Variants in NALCN observed in about 807,000 individuals in gnomAD.
NALCN encodes sodium leak channel, non-selective.
In NALCN, 111 loss-of-function variants were observed where a neutral mutation model predicts 225.3. That is an observed-to-expected ratio of 0.49 (90% CI 0.42 to 0.58). The LOEUF is 0.58. Ranked by LOEUF, NALCN falls within the 20% of genes least tolerant of loss-of-function variation. The probability of loss-of-function intolerance (pLI) is 0.00; values close to 1 mark genes in which losing one functional copy is unlikely to be tolerated. For missense variants in NALCN, 1,378 were observed against 2,202.4 expected (o/e 0.63, Z 7.49); for synonymous variants, 764 against 769.0 (o/e 0.99, Z 0.11).
At chr13:101,251,470 A>G (rs1037405415) in intron 11 of NALCN, among the ~76,000 whole-genome samples, 1 of 152,106 alleles carries the variant, frequency 6.6e-6, no homozygotes, top group Admixed American at 6.6e-5. Flanking sequence ...TCTGATTGAA[A>G]AACCTGACCC....
At chr13:101,133,183 A>T (rs963699131) in intron 17 of NALCN, among the ~76,000 whole-genome samples, 1 of 152,204 alleles carries the variant, frequency 6.6e-6, no homozygotes, top group Non-Finnish European at 1.5e-5. Flanking sequence ...CTAAAGAACC[A>T]TAGCTTGACC....
intron 18 of NALCN, among the ~76,000 whole-genome samples, chr13:101,123,335 T>C (rs2036071117): frequency 6.6e-6 from 1 of 152,120 alleles, no homozygotes; most frequent in Non-Finnish European, 1.5e-5. Context: ...TGAGGGTGAA[T>C]TTCTCTTTTT....
intron 27 of NALCN, among the ~76,000 whole-genome samples, chr13:101,098,103 C>T (rs1344564491): frequency 1.3e-5 from 2 of 152,056 alleles, no homozygotes; most frequent in East Asian, 3.9e-4. Flanking sequence ...TCTTTGTATG[C>T]TCCGTGTCCT....
At chr13:101,070,505 G>A (rs1169832687) in intron 37 of NALCN, among the ~76,000 whole-genome samples, 6 of 152,226 alleles carry the variant, frequency 3.9e-5, no homozygotes, top group Non-Finnish European at 8.8e-5. Flanking sequence ...AATAAGACTT[G>A]AAAGTTGAAA....
At chr13:101,081,395 T>A in intron 34 of NALCN, 132 bp downstream of exon 34, 1 of 1,294,292 alleles carries the variant, frequency 7.7e-7, no homozygotes, top group Non-Finnish European at 1.1e-6. Context: ...CAGTCAAAGC[T>A]GGGCTTTAGG....
chr13:101,127,792 T>C (rs1335296028), intron 17 of NALCN, among the ~76,000 whole-genome samples: 1 of 152,254 alleles, frequency 6.6e-6, no homozygotes. Flanking sequence ...ACTTTCTTTT[T>C]TCTACTAAAT....
At chr13:101,136,314 A>AATTTATTTATT (rs146911586) in intron 17 of NALCN, among the ~76,000 whole-genome samples, 1 of 74,158 alleles carries the variant, frequency 1.3e-5, no homozygotes, top group Non-Finnish European at 5.0e-5. Context: ...TTATTTATTT[A>AATTTATTTATT]TATATTATAC....
rs185386426 is a variant in NALCN, at chr13:101,415,818, C to T, written c.-40+495G>A. 5.1e-3 allele frequency among the ~76,000 whole-genome samples: 778 copies of T among 152,154 alleles called. 28 individuals carry two copies. The highest frequency in any genetic ancestry group is 0.046 in the Admixed American group (701 of 15,300). ...AGCCAGGCTGCCCACCCCCACCTCC[C>T]CACCCGCGCGTTGGCCCAGAGGTTT... On this transcript the variant is annotated intron_variant, in intron 1 of 43. Coordinates refer to ENST00000251127, the MANE Select transcript of NALCN (RefSeq NM_052867.4).
At position 101,144,803 on chromosome 13, in the gene NALCN, T is replaced by C. The variant is rs780767035; in HGVS notation, c.1933A>G (p.Lys645Glu). 6.2e-7 allele frequency: 1 copy of C among 1,613,378 alleles called. No individual in the cohort carries two copies. The highest frequency in any genetic ancestry group is 1.1e-5 in the South Asian group (1 of 90,734). Residue 645 changes from lysine to glutamate, a missense_variant, in exon 16 of 44, where the codon AAA becomes GAA. This residue lies in a region of NALCN where 62 missense variants were observed against 143.6 expected (regional missense o/e 0.43). Coordinates refer to ENST00000251127, the MANE Select transcript of NALCN (RefSeq NM_052867.4). Reference sequence around the variant, plus strand: ...AAATCTGAAGGAAGCTTTGAGATTTTCACCATTTGAGGTCTGTTTGGAAAT... The same window carrying C: ...AAATCTGAAGGAAGCTTTGAGATTTCCACCATTTGAGGTCTGTTTGGAAAT... The part of the protein sequence containing the change: ...EKFPNRPQMV[K>E]ISKLPSDFTV...
rs558486583 is a variant in NALCN, at chr13:101,119,744, G to A, written c.2192+4864C>T. Among the ~76,000 whole-genome samples, 79 of 152,288 alleles carry A rather than the reference G, an allele frequency of 5.2e-4. 1 individual carries two copies. Among genetic ancestry groups the A allele is most frequent in the African/African-American group, 1.9e-3 (77 of 41,558 alleles). ...GAAGCTTTATTTAGTGGAGCTGAAC[G>A]ATACAGTCTAAGTCAGAACAACAAT... is the stretch of plus-strand genomic sequence containing the variant. On this transcript the variant is annotated intron_variant, in intron 18 of 43. Coordinates refer to ENST00000251127, the MANE Select transcript of NALCN (RefSeq NM_052867.4).
chr13:101,279,823 TAAATAAATAAATA>T (rs1372010284), intron 10 of NALCN, among the ~76,000 whole-genome samples: 5 of 100,908 alleles, frequency 5.0e-5, no homozygotes, highest in Admixed American at 2.2e-4. Context: ...TCTCAAAAAA[TAAATAAATAAATA>T]AAATAAATAA....
At chr13:101,062,147 A>G (rs781341670) in intron 40 of NALCN, 29 bp from the exon 41 acceptor site, 40 of 1,611,410 alleles carry the variant, frequency 2.5e-5, no homozygotes, top group Non-Finnish European at 2.9e-5. Flanking sequence ...CTGCAATCGC[A>G]GCTCTGATTC....
intron 11 of NALCN, among the ~76,000 whole-genome samples, chr13:101,244,525 T>C (rs1222137693): frequency 6.6e-6 from 1 of 152,226 alleles, no homozygotes; most frequent in African/African-American, 2.4e-5. Flanking sequence ...CCAGATTCTC[T>C]TGGAATCAAA....
At chr13:101,318,337 G>C (rs2044629073) in intron 7 of NALCN, among the ~76,000 whole-genome samples, 1 of 152,110 alleles carries the variant, frequency 6.6e-6, no homozygotes, top group African/African-American at 2.4e-5. Context: ...GCGGTGGGGT[G>C]GTCAGCTCTG....
At chr13:101,324,052 T>C (rs518212) in intron 7 of NALCN, among the ~76,000 whole-genome samples, 61,941 of 151,912 alleles carry the variant, frequency 0.41, 12,965 homozygotes, top group Middle Eastern at 0.48. Flanking sequence ...GACATTAACA[T>C]TCAGAAAATA....
At chr13:101,074,047 A>G (rs1337642106) in intron 36 of NALCN, among the ~76,000 whole-genome samples, 1 of 152,190 alleles carries the variant, frequency 6.6e-6, no homozygotes, top group Admixed American at 6.5e-5. Flanking sequence ...GGACTTGAAA[A>G]AAAATGATGC....
intron 7 of NALCN, among the ~76,000 whole-genome samples, chr13:101,333,494 G>A (rs976431565): frequency 6.6e-6 from 1 of 152,164 alleles, no homozygotes; most frequent in Non-Finnish European, 1.5e-5. Context: ...GTGACTCCTC[G>A]GGATGACCAA....
intron 17 of NALCN, among the ~76,000 whole-genome samples, chr13:101,133,936 G>C (rs1348037391): frequency 6.6e-6 from 1 of 152,126 alleles, no homozygotes; most frequent in South Asian, 2.1e-4. Context: ...TTGGGAGGCC[G>C]AGGTGGGTGG....
chr13:101,132,603 T>C (rs996325958), intron 17 of NALCN, among the ~76,000 whole-genome samples: 4 of 152,110 alleles, frequency 2.6e-5, no homozygotes, highest in African/African-American at 9.6e-5. Flanking sequence ...CTAATCCTCA[T>C]AGGTAGGTAA....
Sources: gnomAD v4.1 joint callset for allele counts (sites outside exome capture counted in the v4.1 genomes callset) on GRCh38, gnomAD v4.1.1 for gene constraint, gnomAD v4.1.1 regional missense constraint, MANE v1.5 for transcripts, NCBI Gene and HGNC (gene_info 2026-07-23, HGNC 2026-07-21) for gene names.